Variants in AQR observed in about 807,000 individuals in gnomAD.
AQR encodes the protein RNA helicase aquarius.
A neutral mutation model predicts 180.5 loss-of-function variants in AQR; 61 were observed. The observed-to-expected ratio is 0.34, with a 90% CI of 0.28 to 0.42. The LOEUF (loss-of-function observed/expected upper bound fraction) is 0.42. Ranked by LOEUF, AQR falls within the 10% of genes least tolerant of loss-of-function variation. The probability of loss-of-function intolerance (pLI) is 1.00; values close to 1 mark genes in which losing one functional copy is unlikely to be tolerated. For missense variants in AQR, 1,281 were observed against 1,798.3 expected, an observed-to-expected ratio of 0.71 and a Z score of 5.20; for synonymous variants, 551 against 588.8, an observed-to-expected ratio of 0.94 and a Z score of 0.93.
At position 34,896,943 on chromosome 15, in the gene AQR, G is replaced by C; in HGVS notation, c.2414C>G (p.Thr805Arg). Residue 805 changes from threonine (T) to arginine (R), a missense_variant, in exon 22 of 35, where the codon ACA (threonine) becomes AGA (arginine). Coordinates refer to ENST00000156471, the MANE Select transcript of AQR (RefSeq NM_014691.3). ...TCCAGCACGGATGGCTTCTATCTGTGTATGAGTGAACTGAATCGTATTACT... is the reference window on the plus strand; with the variant it reads ...TCCAGCACGGATGGCTTCTATCTGTCTATGAGTGAACTGAATCGTATTACT... Reference protein sequence around the residue: ...PKRNTIQFTHTQIEAIRAGMQ... With the variant: ...PKRNTIQFTHRQIEAIRAGMQ... 1.2e-6 allele frequency: 2 copies of C among 1,613,284 alleles called. No individual in the cohort carries two copies. Among genetic ancestry groups the C allele is most frequent in the Non-Finnish European group, 1.7e-6 (2 of 1,179,188 alleles).
At chr15:34,873,310 G>A (rs1407112013) in intron 30 of AQR, among the ~76,000 whole-genome samples, 1 of 151,996 alleles carries the variant, frequency 6.6e-6, no homozygotes, top group Non-Finnish European at 1.5e-5. Flanking sequence ...TACTAGCATT[G>A]TATGAGAATA....
rs142974105 is a variant in AQR, at chr15:34,943,754, T to C, written c.471+534A>G. On this transcript the variant is annotated intron_variant, in intron 6 of 34. Coordinates refer to ENST00000156471, the MANE Select transcript of AQR (RefSeq NM_014691.3). ...TAAAATATTACTGAAAATATTTAATTTTTTAGAAGATAATCTTATGAAGGA... is the reference window on the plus strand; with the variant it reads ...TAAAATATTACTGAAAATATTTAATCTTTTAGAAGATAATCTTATGAAGGA... Among the ~76,000 whole-genome samples the C allele has an allele frequency of 2.5e-3, 378 of 152,332 alleles. 3 individuals carry two copies. The highest frequency in any genetic ancestry group is 8.6e-3 in the African/African-American group (356 of 41,568).
chr15:34,897,116 C>G (rs1240935437), intron 21 of AQR, 150 bp from the exon 22 acceptor site: 1 of 638,644 alleles, frequency 1.6e-6, no homozygotes, highest in Admixed American at 3.2e-5. Context: ...TCACCTCTAC[C>G]CCTCAACACA....
chr15:34,891,403 T>C (rs935308833), intron 23 of AQR, among the ~76,000 whole-genome samples: 1 of 152,148 alleles, frequency 6.6e-6, no homozygotes, highest in African/African-American at 2.4e-5. Context: ...TTACAGTGAT[T>C]TTGAAGAACT....
intron 14 of AQR, among the ~76,000 whole-genome samples, chr15:34,919,613 A>G (rs1893652790): frequency 6.6e-6 from 1 of 152,088 alleles, no homozygotes. Flanking sequence ...ATTCCTGAAA[A>G]CAGGTTGGGC....
chr15:34,950,352 T>C (rs560533544), intron 4 of AQR, among the ~76,000 whole-genome samples: 2 of 152,262 alleles, frequency 1.3e-5, no homozygotes, highest in African/African-American at 2.4e-5. Flanking sequence ...CCTCCCAAAG[T>C]GCTGGGATTA....
At chr15:34,956,131 G>A (rs1195107554) in intron 3 of AQR, among the ~76,000 whole-genome samples, 3 of 152,086 alleles carry the variant, frequency 2.0e-5, no homozygotes, top group Non-Finnish European at 4.4e-5. Context: ...ACTATAATTC[G>A]TAAGGCTATA....
chr15:34,868,553 C>A (rs1566978974), intron 31 of AQR: 1 of 152,162 alleles, frequency 6.6e-6, no homozygotes, highest in East Asian at 1.9e-4. Context: ...AGTTTATACA[C>A]AATAAAATGT....
chr15:34,889,917 G>C (rs898524576), intron 24 of AQR, among the ~76,000 whole-genome samples: 2 of 152,132 alleles, frequency 1.3e-5, no homozygotes, highest in African/African-American at 4.8e-5. Flanking sequence ...TGAACTGGCA[G>C]CATGAAAAAT....
At chr15:34,913,004 T>TTCC (rs1196080220) in intron 16 of AQR, among the ~76,000 whole-genome samples, 3 of 152,196 alleles carry the variant, frequency 2.0e-5, no homozygotes, top group African/African-American at 7.2e-5. Flanking sequence ...GTGAAACAAC[T>TTCC]TCCTATCACC....
chr15:34,921,270 CTAAAAATACGAAAATT>C (rs1422987447), intron 13 of AQR, among the ~76,000 whole-genome samples: 1 of 151,464 alleles, frequency 6.6e-6, no homozygotes, highest in African/African-American at 2.4e-5. Flanking sequence ...CCCGTCTCTA[CTAAAAATACGAAAATT>C]AGCCAGGCGT....
rs186159741 is a variant in AQR, at chr15:34,960,661, C to T, written c.173+113G>A. On this transcript the variant is annotated intron_variant, in intron 3 of 34. Transcript: ENST00000156471. ...GTTTTTCTAGTCACCATTGCCCTGA[C>T]GACCAGTTTGAAACAGAAAAAGGGT... The T allele has an allele frequency of 3.1e-3, 1,626 of 524,950 alleles. 7 individuals carry two copies. The highest frequency in any genetic ancestry group is 4.5e-3 in the Non-Finnish European group (1,327 of 296,922). The allele number at this position is 524,950 out of a possible 1,614,324, so 32.5% of individuals were successfully genotyped here. A position where few individuals can be genotyped will look rare whatever the true frequency, so the allele number is the denominator to read the frequency against.
At chr15:34,964,328 C>A (rs772482584) in intron 1 of AQR, 38 bp from the exon 2 acceptor site, 1 of 1,515,114 alleles carries the variant, frequency 6.6e-7, no homozygotes, top group South Asian at 1.1e-5. Flanking sequence ...GTCCCAGATT[C>A]TTGCCATTGT....
Position 34,888,171 on chromosome 15 carries a change from G to A in AQR, c.2682-1510C>T, listed in dbSNP as rs568310805. Reference sequence around the variant, plus strand: ...ACATTAGCCAGGTGTGGTGGTGGGCGCCTGTAATCCCAGCTACTCAGGAGG... The same window carrying A: ...ACATTAGCCAGGTGTGGTGGTGGGCACCTGTAATCCCAGCTACTCAGGAGG... On this transcript the variant is annotated intron_variant, in intron 24 of 34. Coordinates refer to ENST00000156471, the MANE Select transcript of AQR (RefSeq NM_014691.3). Among the ~76,000 whole-genome samples the A allele has an allele frequency of 5.3e-5, 8 of 151,550 alleles. No individual in the cohort carries two copies. The East Asian group carries it at 9.8e-4, about 19-fold the overall frequency.
At chr15:34,863,121 A>T in intron 32 of AQR, 80 bp from the exon 33 acceptor site, 3 of 1,328,876 alleles carry the variant, frequency 2.3e-6, no homozygotes, top group Non-Finnish European at 3.1e-6. Flanking sequence ...CACAGATTTC[A>T]TTAGATAGTC....
chr15:34,907,914 G>A (rs183132296), intron 17 of AQR, among the ~76,000 whole-genome samples: 174 of 152,190 alleles, frequency 1.1e-3, no homozygotes, highest in Admixed American at 1.8e-3. Flanking sequence ...ACTTTACTCT[G>A]GGACATCTTA....
At chr15:34,927,162 TTAA>T in intron 12 of AQR, 24 bp from the exon 13 acceptor site, 1 of 1,348,530 alleles carries the variant, frequency 7.4e-7, no homozygotes, top group Non-Finnish European at 1.0e-6. Flanking sequence ...GCAAAAAATA[TTAA>T]TAATTAATGT....
chr15:34,967,034 G>A (rs921616321), intron 1 of AQR, among the ~76,000 whole-genome samples: 36 of 152,004 alleles, frequency 2.4e-4, no homozygotes, highest in African/African-American at 7.2e-4. Flanking sequence ...GCACCACCAC[G>A]TCCGGCTAAT....
At chr15:34,905,725 A>G (rs1893401355) in intron 18 of AQR, among the ~76,000 whole-genome samples, 1 of 150,978 alleles carries the variant, frequency 6.6e-6, no homozygotes, top group Non-Finnish European at 1.5e-5. Context: ...AAAAGCTTGG[A>G]CAACTGTAAG....
Sources: allele counts gnomAD v4.1 joint callset (sites outside exome capture counted in the v4.1 genomes callset), GRCh38; gene constraint gnomAD v4.1.1; transcripts MANE v1.5; gene names NCBI Gene and HGNC (gene_info 2026-07-23, HGNC 2026-07-21).